Variants in CPA6 observed in about 807,000 individuals in gnomAD.
The protein encoded by CPA6 is carboxypeptidase A6, also known as carboxypeptidase B.
Under a neutral mutation model 63.3 loss-of-function variants are expected in CPA6, and 58 were observed. The observed-to-expected ratio is 0.92, with a 90% CI of 0.74 to 1.14. The LOEUF is 1.14. Among genes scored for constraint, CPA6 ranks in the 50% most tolerant of loss-of-function variants. The pLI, the probability that CPA6 is intolerant of heterozygous loss-of-function variation, is 0.00. For missense variants in CPA6, 565 were observed against 526.6 expected (o/e 1.07, Z -0.71); for synonymous variants, 185 against 179.0 (o/e 1.03, Z -0.27).
chr8:67,576,949 C>T (rs773418145), intron 2 of CPA6, among the ~76,000 whole-genome samples: 9 of 151,940 alleles, frequency 5.9e-5, no homozygotes, highest in South Asian at 4.2e-4. Context: ...TGCAACCTTC[C>T]GCCTCCGGGG....
chr8:67,430,253 T>C (rs1162112303), intron 9 of CPA6, among the ~76,000 whole-genome samples: 1 of 150,742 alleles, frequency 6.6e-6, no homozygotes, highest in East Asian at 2.0e-4. Context: ...GATCTCGGCT[T>C]ACTGCAACCT....
At chr8:67,720,213 G>C (rs1444358202) in intron 1 of CPA6, among the ~76,000 whole-genome samples, 3 of 151,500 alleles carry the variant, frequency 2.0e-5, no homozygotes, top group African/African-American at 4.9e-5. Flanking sequence ...GATGAGCCAG[G>C]AAAAGGACTT....
intron 6 of CPA6, among the ~76,000 whole-genome samples, chr8:67,491,223 G>GT (rs11379483): frequency 0.45 from 56,309 of 125,410 alleles, 12,399 homozygotes; most frequent in Middle Eastern, 0.56. Flanking sequence ...TTACAGGGAA[G>GT]TTTTTTTTTT....
At chr8:67,538,729 G>A (rs1455405923) in intron 2 of CPA6, among the ~76,000 whole-genome samples, 2 of 151,056 alleles carry the variant, frequency 1.3e-5, no homozygotes, top group East Asian at 2.0e-4. Context: ...GTGTGATCTC[G>A]GCTCACTGCA....
At chr8:67,660,538 C>T (rs904151337) in intron 1 of CPA6, among the ~76,000 whole-genome samples, 4 of 136,886 alleles carry the variant, frequency 2.9e-5, no homozygotes, top group African/African-American at 5.7e-5. Context: ...GAGGTTTCAC[C>T]GTGTTGCCCA....
intron 2 of CPA6, among the ~76,000 whole-genome samples, chr8:67,583,707 G>A (rs565830792): frequency 6.6e-6 from 1 of 152,166 alleles, no homozygotes; most frequent in African/African-American, 2.4e-5. Flanking sequence ...GGAATCCGGC[G>A]AAGATGCTAG....
intron 6 of CPA6, among the ~76,000 whole-genome samples, chr8:67,488,564 A>G (rs1016151891): frequency 6.6e-6 from 1 of 152,102 alleles, no homozygotes; most frequent in Admixed American, 6.5e-5. Context: ...ATGAACTTCA[A>G]AGTAGTTTTT....
intron 2 of CPA6, among the ~76,000 whole-genome samples, chr8:67,623,575 G>A (rs1388427829): frequency 6.6e-6 from 1 of 151,982 alleles, no homozygotes; most frequent in Non-Finnish European, 1.5e-5. Context: ...GGGACTACAG[G>A]CATGTGACAC....
At chr8:67,710,896 A>G (rs1563403076) in intron 1 of CPA6, among the ~76,000 whole-genome samples, 1 of 152,248 alleles carries the variant, frequency 6.6e-6, no homozygotes, top group Non-Finnish European at 1.5e-5. Flanking sequence ...CATATAAATC[A>G]TAAGATAGAG....
intron 2 of CPA6, among the ~76,000 whole-genome samples, chr8:67,616,226 T>TG (rs1814944485): frequency 6.6e-6 from 1 of 152,174 alleles, no homozygotes; most frequent in Admixed American, 6.5e-5. Flanking sequence ...ATGTGTACCC[T>TG]GGGTTGGGAA....
Position 67,624,025 on chromosome 8 carries a change from T to C in CPA6, c.192+151A>G, listed in dbSNP as rs557129859. ...TAAAATAAAATAAAATAAAACAAAA[T>C]AAAATAAAATAAAATAAAAGCTCTT... is the stretch of plus-strand genomic sequence containing the variant. On this transcript the variant is annotated intron_variant, in intron 2 of 10. Transcript: ENST00000297770. 6.4e-4 allele frequency: 310 copies of C among 486,430 alleles called. 4 individuals are homozygous for C. Among genetic ancestry groups the C allele is most frequent in the Middle Eastern group, 5.3e-4 (1 of 1,878 alleles). 30.1% of individuals were successfully genotyped at this position (486,430 alleles called of 1,614,324 possible).
intron 1 of CPA6, among the ~76,000 whole-genome samples, chr8:67,656,694 A>G (rs942677684): frequency 5.9e-5 from 9 of 152,156 alleles, no homozygotes; most frequent in Non-Finnish European, 1.0e-4. Context: ...CCTTGGAGGG[A>G]TTCAATGAGA....
intron 1 of CPA6, among the ~76,000 whole-genome samples, chr8:67,626,327 G>A (rs1043985011): frequency 6.6e-6 from 1 of 152,112 alleles, no homozygotes; most frequent in Non-Finnish European, 1.5e-5. Context: ...TAGGGCTTTT[G>A]TGTTTATTTC....
At chr8:67,506,924 CT>C (rs1811942420) in intron 5 of CPA6, 36 bp from the exon 6 acceptor site, 2 of 1,399,020 alleles carry the variant, frequency 1.4e-6, no homozygotes, top group African/African-American at 1.4e-5. Context: ...CCAACTCAGG[CT>C]TTTAGATTCA....
At chr8:67,582,233 T>C (rs1813793725) in intron 2 of CPA6, among the ~76,000 whole-genome samples, 1 of 152,128 alleles carries the variant, frequency 6.6e-6, no homozygotes, top group African/African-American at 2.4e-5. Flanking sequence ...CTCAGATTCA[T>C]CGCACAAGGT....
At chr8:67,708,465 A>T (rs1481085784) in intron 1 of CPA6, among the ~76,000 whole-genome samples, 2 of 152,218 alleles carry the variant, frequency 1.3e-5, no homozygotes, top group East Asian at 3.9e-4. Flanking sequence ...CCTTTGAACT[A>T]ACTAGTGATC....
intron 8 of CPA6, among the ~76,000 whole-genome samples, chr8:67,470,028 CT>C (rs756750835): frequency 8.7e-4 from 125 of 142,952 alleles, no homozygotes; most frequent in Middle Eastern, 7.2e-3. Context: ...ATCATGTTTC[CT>C]TTTTTTTTTT....
chr8:67,439,714 T>C (rs371557507), intron 8 of CPA6, among the ~76,000 whole-genome samples: 2 of 152,186 alleles, frequency 1.3e-5, no homozygotes, highest in African/African-American at 4.8e-5. Context: ...AGAATGCTAA[T>C]AGGTGAAACT....
intron 2 of CPA6, among the ~76,000 whole-genome samples, chr8:67,599,276 A>G (rs774726514): frequency 6.6e-6 from 1 of 152,220 alleles, no homozygotes; most frequent in East Asian, 1.9e-4. Flanking sequence ...TGATGCTTTT[A>G]CCATGCTTCT....
Sources: allele counts gnomAD v4.1 joint callset (sites outside exome capture counted in the v4.1 genomes callset), GRCh38; gene constraint gnomAD v4.1.1; transcripts MANE v1.5; gene names NCBI Gene and HGNC (gene_info 2026-07-23, HGNC 2026-07-21).